Variants in ADAM12 observed in about 807,000 individuals in gnomAD.
ADAM12 encodes disintegrin and metalloproteinase domain-containing protein 12.
In ADAM12, 70 loss-of-function variants were observed where a neutral mutation model predicts 106.4. That is an observed-to-expected ratio of 0.66 (90% confidence interval 0.54 to 0.80). The LOEUF (loss-of-function observed/expected upper bound fraction) is 0.80. Ranked by LOEUF, ADAM12 falls within the 30% of genes least tolerant of loss-of-function variation. ADAM12 has a pLI of 0.00. For synonymous variants in ADAM12, 420 were observed against 433.5 expected, an observed-to-expected ratio of 0.97 and a Z score of 0.39; for missense variants, 1,010 against 1,171.9, an observed-to-expected ratio of 0.86 and a Z score of 2.02.
chr10:126,265,005 T>C (rs997590043), intron 3 of ADAM12, among the ~76,000 whole-genome samples: 4 of 152,236 alleles, frequency 2.6e-5, no homozygotes, highest in African/African-American at 4.8e-5. Flanking sequence ...AATATCTATA[T>C]GGGTAATTTA....
At position 126,216,083 on chromosome 10, in the gene ADAM12, A is replaced by C. The variant is rs115544964; in HGVS notation, c.261-60778T>G. 8.1e-3 allele frequency among the ~76,000 whole-genome samples: 1,235 copies of C among 152,294 alleles called. 9 individuals carry two copies. Among genetic ancestry groups the C allele is most frequent in the African/African-American group, 0.018 (766 of 41,556 alleles). On this transcript the variant is annotated intron_variant, in intron 3 of 22. Transcript: ENST00000448723. ...TTTGCTTTGCCATTTGGTGTTAAAA[A>C]GCTTTTGCTCACAGCTTGCTTCTTT... is the stretch of plus-strand genomic sequence containing the variant.
At position 126,119,308 on chromosome 10, in the gene ADAM12, C is replaced by A. The variant is rs572290716; in HGVS notation, c.417-1084G>T. On this transcript the variant is annotated intron_variant, in intron 5 of 22. Coordinates refer to ENST00000448723, the MANE Select transcript of ADAM12 (RefSeq NM_001288973.2). ...TGACCTTAACTTTGAGCCCTGGTTTCTTCACCTGTAAAATGGGGATAATGG... is the reference window on the plus strand; with the variant it reads ...TGACCTTAACTTTGAGCCCTGGTTTATTCACCTGTAAAATGGGGATAATGG... Among the ~76,000 whole-genome samples, 14 of 152,270 alleles carry A rather than the reference C, an allele frequency of 9.2e-5. No individual in the cohort carries two copies. The South Asian group carries it at 2.7e-3, about 29-fold the overall frequency.
chr10:126,131,463 G>A (rs953251874), intron 5 of ADAM12, among the ~76,000 whole-genome samples: 1 of 152,090 alleles, frequency 6.6e-6, no homozygotes, highest in Non-Finnish European at 1.5e-5. Flanking sequence ...TATATACCCT[G>A]CAAATTCATA....
At chr10:126,371,824 A>T (rs570236410) in intron 1 of ADAM12, among the ~76,000 whole-genome samples, 1 of 152,264 alleles carries the variant, frequency 6.6e-6, no homozygotes, top group Non-Finnish European at 1.5e-5. Flanking sequence ...TCTCTTTCTC[A>T]AAAAGCCAGT....
chr10:126,322,041 C>A (rs894058844), intron 2 of ADAM12, among the ~76,000 whole-genome samples: 1 of 152,160 alleles, frequency 6.6e-6, no homozygotes, highest in African/African-American at 2.4e-5. Context: ...AAAGCCAATG[C>A]ACTGCCTGTT....
At chr10:126,100,396 G>T (rs1955639809) in intron 9 of ADAM12, among the ~76,000 whole-genome samples, 1 of 152,016 alleles carries the variant, frequency 6.6e-6, no homozygotes, top group African/African-American at 2.4e-5. Context: ...CACTAATAAT[G>T]ATGAATCTTT....
intron 1 of ADAM12, among the ~76,000 whole-genome samples, chr10:126,370,860 T>A (rs1856088178): frequency 6.6e-6 from 1 of 152,154 alleles, no homozygotes. Context: ...AATCATGAGT[T>A]CTCTATGCCT....
intron 1 of ADAM12, among the ~76,000 whole-genome samples, chr10:126,371,155 T>C (rs1013839942): frequency 1.3e-5 from 2 of 152,076 alleles, no homozygotes; most frequent in Non-Finnish European, 2.9e-5. Context: ...GAAGAAAGAG[T>C]GGTCATAGTG....
intron 21 of ADAM12, among the ~76,000 whole-genome samples, chr10:126,030,373 T>C (rs1247625366): frequency 6.6e-6 from 1 of 152,138 alleles, no homozygotes; most frequent in Admixed American, 6.5e-5. Context: ...TTTCATTGTA[T>C]CCCAAATTGC....
At chr10:126,140,701 G>A (rs532192074) in intron 4 of ADAM12, among the ~76,000 whole-genome samples, 3 of 152,170 alleles carry the variant, frequency 2.0e-5, no homozygotes, top group East Asian at 1.9e-4. Context: ...TGACAATTTC[G>A]TGAAATTTAA....
chr10:126,275,838 AAAGT>A (rs1305285512), intron 3 of ADAM12, among the ~76,000 whole-genome samples: 2 of 152,172 alleles, frequency 1.3e-5, no homozygotes, highest in Non-Finnish European at 2.9e-5. Context: ...CCTAATTTTA[AAAGT>A]AATATTTTAT....
At chr10:126,128,756 A>G (rs1956250142) in intron 5 of ADAM12, among the ~76,000 whole-genome samples, 1 of 134,178 alleles carries the variant, frequency 7.5e-6, no homozygotes, top group African/African-American at 2.9e-5. Flanking sequence ...AATGTGTGCA[A>G]GTGGGCGCCT....
intron 5 of ADAM12, among the ~76,000 whole-genome samples, chr10:126,127,587 C>G (rs373898465): frequency 2.6e-5 from 4 of 152,218 alleles, no homozygotes; most frequent in African/African-American, 9.6e-5. Flanking sequence ...ACCTGACCTT[C>G]TGGGTGTTAG....
At chr10:126,174,377 C>T (rs1957179888) in intron 3 of ADAM12, among the ~76,000 whole-genome samples, 1 of 152,122 alleles carries the variant, frequency 6.6e-6, no homozygotes, top group African/African-American at 2.4e-5. Flanking sequence ...CACATCCAGG[C>T]AGTTCCTCGC....
At chr10:126,291,399 G>T (rs1025147760) in intron 2 of ADAM12, among the ~76,000 whole-genome samples, 11 of 152,206 alleles carry the variant, frequency 7.2e-5, no homozygotes, top group African/African-American at 2.7e-4. Context: ...TACTGAGGCC[G>T]AATGCAAACA....
intron 3 of ADAM12, among the ~76,000 whole-genome samples, chr10:126,228,597 A>C (rs1958245609): frequency 6.6e-6 from 1 of 152,234 alleles, no homozygotes; most frequent in Admixed American, 6.5e-5. Flanking sequence ...TCATGTTTCT[A>C]GTAGGGTATT....
chr10:126,242,391 C>T (rs866571721), intron 3 of ADAM12, among the ~76,000 whole-genome samples: 1 of 152,186 alleles, frequency 6.6e-6, no homozygotes. Context: ...CAGCAGTAAA[C>T]ACTAAACAGG....
intron 6 of ADAM12, among the ~76,000 whole-genome samples, chr10:126,113,687 A>AAAAAAAAAAT (rs1955920039): frequency 4.1e-5 from 1 of 24,136 alleles, no homozygotes; most frequent in Non-Finnish European, 6.5e-5. Context: ...AAAAAAAAAA[A>AAAAAAAAAAT]ATATATATAT....
chr10:126,333,926 C>A (rs1197419464), intron 1 of ADAM12, among the ~76,000 whole-genome samples: 1 of 152,198 alleles, frequency 6.6e-6, no homozygotes, highest in Non-Finnish European at 1.5e-5. Flanking sequence ...AGTGACTGCA[C>A]AATTTGCTGA....
Sources: allele counts gnomAD v4.1 joint callset (sites outside exome capture counted in the v4.1 genomes callset), GRCh38; gene constraint gnomAD v4.1.1; transcripts MANE v1.5; gene names NCBI Gene and HGNC (gene_info 2026-07-23, HGNC 2026-07-21).